CPAMD8: variants seen among roughly 807,000 people sequenced by gnomAD.
The protein encoded by CPAMD8 is C3 and PZP like alpha-2-macroglobulin domain containing 8, also known as C3 and PZP-like alpha-2-macroglobulin domain-containing protein 8.
A neutral mutation model predicts 224.7 loss-of-function variants in CPAMD8; 146 were observed. That is an observed-to-expected ratio of 0.65 (90% CI 0.57 to 0.75). CPAMD8 has a LOEUF of 0.75. Among genes scored for constraint, CPAMD8 ranks in the 30% least tolerant of loss-of-function variants. The pLI, the probability that CPAMD8 is intolerant of heterozygous loss-of-function variation, is 0.00. For missense variants in CPAMD8, 2,301 were observed against 2,537.5 expected (o/e 0.91, Z 2.00); for synonymous variants, 966 against 1,044.6 (o/e 0.92, Z 1.45).
At chr19:16,975,886 C>T (rs573887698) in intron 16 of CPAMD8, 116 bp downstream of exon 16, 11 of 1,142,980 alleles carry the variant, frequency 9.6e-6, no homozygotes, top group East Asian at 2.9e-5. Context: ...ACGGAGAAAG[C>T]GAATCTGGAT....
chr19:17,009,096 CAA>C (rs11334335), intron 6 of CPAMD8: 3,279 of 581,550 alleles, frequency 5.6e-3, no homozygotes, highest in Non-Finnish European at 6.4e-3. Context: ...GACTCCATTT[CAA>C]AAAAAAAAAG....
chr19:16,905,561 G>GAAAAAA (rs1568458005), intron 30 of CPAMD8, among the ~76,000 whole-genome samples: 1 of 85,880 alleles, frequency 1.2e-5, no homozygotes, highest in African/African-American at 4.9e-5. Context: ...AAAAAAAAAG[G>GAAAAAA]AAGAAAAGAA....
Position 16,976,918 on chromosome 19 carries a change from T to C in CPAMD8, c.1758+450A>G, listed in dbSNP as rs2055296776. On this transcript the variant is annotated intron_variant, in intron 15 of 41. Coordinates refer to ENST00000443236, the MANE Select transcript of CPAMD8 (RefSeq NM_015692.5). ...TTAGCCAGACATGGTGGCACATGCC[T>C]GTAGTCTCAGCTACTCGGGAGGCTG... Among the ~76,000 whole-genome samples, 6 of 152,152 alleles carry C rather than the reference T, an allele frequency of 3.9e-5. No homozygotes were observed. In the South Asian group the frequency reaches 1.0e-3, roughly 26 times the overall value.
chr19:16,943,412 T>C (rs2122215342), intron 22 of CPAMD8, among the ~76,000 whole-genome samples: 1 of 152,130 alleles, frequency 6.6e-6, no homozygotes, highest in East Asian at 1.9e-4. Context: ...TATTCATTCA[T>C]TCATTCATTT....
chr19:16,893,004 A>G lies in CPAMD8; in HGVS notation c.*104T>C, dbSNP rs770548513. 1.3e-6 allele frequency: 1 copy of G among 773,434 alleles called. No homozygotes were observed. Among genetic ancestry groups the G allele is most frequent in the South Asian group, 1.4e-5 (1 of 73,690 alleles). 47.9% of individuals were successfully genotyped at this position (773,434 alleles called of 1,614,324 possible). On this transcript the variant is annotated 3_prime_UTR_variant, in exon 42 of 42. Transcript: ENST00000443236. ...TGTCAATATCCTGGAGTGATCATTT[A>G]CCAGAGTTTTCTGAGATGTTAACCA...
In CPAMD8 at chr19:16,898,818, C is replaced by T. The variant is rs2052138339; in HGVS notation, c.4848+657G>A. Among the ~76,000 whole-genome samples, 1 of 152,110 alleles carries T rather than the reference C, an allele frequency of 6.6e-6. No individual in the cohort carries two copies. ...ACAGATGGATAATATCCACTGCGGC[C>T]CCTCCCTGCTTTTTCTACCAACTGC... On this transcript the variant is annotated intron_variant, in intron 37 of 41. Transcript: ENST00000443236. The surrounding 1 kb of genome is among the most constrained non-coding windows in gnomAD (Gnocchi z 4.2).
chr19:16,940,880 A>G (rs2053865672), intron 22 of CPAMD8, among the ~76,000 whole-genome samples: 1 of 152,198 alleles, frequency 6.6e-6, no homozygotes. Flanking sequence ...CCTTGTCGGG[A>G]AAGGGATTTG....
chr19:16,946,145 T>C (rs1414746450), intron 21 of CPAMD8, among the ~76,000 whole-genome samples: 2 of 150,426 alleles, frequency 1.3e-5, no homozygotes, highest in African/African-American at 5.0e-5. Context: ...GCAATGCATA[T>C]CTGCACATGT....
At chr19:16,900,254 A>G (rs1023135687) in intron 36 of CPAMD8, among the ~76,000 whole-genome samples, 3 of 152,058 alleles carry the variant, frequency 2.0e-5, no homozygotes, top group Non-Finnish European at 4.4e-5. Context: ...CTCCCCACCC[A>G]GGGCCAAAGC....
At chr19:16,945,088 A>G (rs1009746864) in intron 22 of CPAMD8, among the ~76,000 whole-genome samples, 7 of 152,126 alleles carry the variant, frequency 4.6e-5, no homozygotes, top group Non-Finnish European at 7.4e-5. Flanking sequence ...TCCCGAGATC[A>G]TGGGTAAGTG....
rs61382797 is a variant in CPAMD8 at position 16,976,246 on chromosome 19, C to T, written c.1759-95G>A. On this transcript the variant is annotated intron_variant, in intron 15 of 41. Transcript: ENST00000443236. ...ATCCCAACACTTTGGGAGGCCGAGG[C>T]GGGTGGATCACCTGAGGTCAAGAGT... The T allele has an allele frequency of 2.3e-3, 2,243 of 992,594 alleles. 42 individuals are homozygous for T. In the African/African-American group the frequency reaches 0.033, roughly 15 times the overall value. 61.5% of individuals were successfully genotyped at this position (992,594 alleles called of 1,614,324 possible).
At chr19:17,020,955 C>T (rs977972152) in intron 2 of CPAMD8, among the ~76,000 whole-genome samples, 2 of 152,224 alleles carry the variant, frequency 1.3e-5, no homozygotes, top group African/African-American at 4.8e-5. Context: ...CATCCACCTT[C>T]CTGGGACTCT....
intron 20 of CPAMD8, 132 bp from the exon 21 acceptor site, chr19:16,947,359 C>T (rs1022109602): frequency 2.4e-5 from 27 of 1,136,528 alleles, no homozygotes; most frequent in South Asian, 3.1e-5. Context: ...ATGCTCCCCC[C>T]GGGAAGGTCC....
chr19:16,895,927 A>ACACACGCG lies in CPAMD8; in HGVS notation c.5426+248_5426+249insCGCGTGTG, dbSNP rs146763898. ...CGCACACACACACACACACACACAC[A>ACACACGCG]CGCGCGCGTGCGCCCGCGCACAGCT... On this transcript the variant is annotated intron_variant, in intron 41 of 41. Coordinates refer to ENST00000443236, the MANE Select transcript of CPAMD8 (RefSeq NM_015692.5). 3,131 of 579,206 alleles carry ACACACGCG rather than the reference A, an allele frequency of 5.4e-3. 35 individuals are homozygous for ACACACGCG. The highest frequency in any genetic ancestry group is 0.049 in the Admixed American group (2,150 of 43,944). The allele number at this position is 579,206 out of a possible 1,614,324, so 35.9% of individuals were successfully genotyped here. A position where few individuals can be genotyped will look rare whatever the true frequency, so the allele number is the denominator to read the frequency against.
At chr19:16,989,812 G>A (rs2055876342) in intron 12 of CPAMD8, 41 bp from the exon 13 acceptor site, 1 of 1,602,072 alleles carries the variant, frequency 6.2e-7, no homozygotes. Flanking sequence ...CGAGTGCCAA[G>A]AGCAGAAAGG....
At chr19:16,920,193 T>G (rs1301952775) in intron 27 of CPAMD8, among the ~76,000 whole-genome samples, 1 of 152,138 alleles carries the variant, frequency 6.6e-6, no homozygotes, top group African/African-American at 2.4e-5. Context: ...GAAATTTGAT[T>G]TTTCAGCCAT....
In CPAMD8 at chr19:16,904,568, T is replaced by C; in HGVS notation, c.4028-16A>G. 6.3e-7 allele frequency: 1 copy of C among 1,582,532 alleles called. No homozygotes were observed. The highest frequency in any genetic ancestry group is 8.7e-7 in the Non-Finnish European group (1 of 1,151,500). ...GTGACCCCATCTGCAAGGAAAGGAG[T>C]GGTCAAGAGCTATAACCCACCCAGT... is the stretch of plus-strand genomic sequence containing the variant. On this transcript the variant is annotated splice_polypyrimidine_tract_variant and intron_variant, in intron 30 of 41. Coordinates refer to ENST00000443236, the MANE Select transcript of CPAMD8 (RefSeq NM_015692.5).
At chr19:16,896,968 C>T (rs1421708590) in intron 39 of CPAMD8, 1 of 278,012 alleles carries the variant, frequency 3.6e-6, no homozygotes, top group Non-Finnish European at 6.7e-6. Flanking sequence ...GCGCCTCCTC[C>T]GCACTGACCA....
At chr19:16,970,475 C>T (rs1263412000) in intron 18 of CPAMD8, among the ~76,000 whole-genome samples, 1 of 151,894 alleles carries the variant, frequency 6.6e-6, no homozygotes, top group Admixed American at 6.6e-5. Context: ...ATCCCAGCTA[C>T]TCAGGAGGCT....
Sources: allele counts gnomAD v4.1 joint callset (sites outside exome capture counted in the v4.1 genomes callset), GRCh38; gene constraint gnomAD v4.1.1; non-coding constraint Gnocchi (gnomAD v3.1); transcripts MANE v1.5; gene names NCBI Gene and HGNC (gene_info 2026-07-23, HGNC 2026-07-21).